Variants in SLC25A17 observed in about 807,000 individuals in gnomAD.
SLC25A17 encodes the protein solute carrier family 25 member 17, also known as peroxisomal membrane protein PMP34.
SLC25A17 carries 26 observed loss-of-function variants against 38.5 expected under a neutral mutation model. The observed-to-expected ratio is 0.68, with a 90% confidence interval of 0.50 to 0.94. The LOEUF (loss-of-function observed/expected upper bound fraction) is 0.94, where lower values mean the gene tolerates loss of function less well. Ranked by LOEUF, SLC25A17 falls within the 40% of genes least tolerant of loss-of-function variation. The pLI, the probability that SLC25A17 is intolerant of heterozygous loss-of-function variation, is 0.00. For synonymous variants in SLC25A17, 139 were observed against 136.2 expected (o/e 1.02, Z -0.14); for missense variants, 333 against 372.7 (o/e 0.89, Z 0.88).
At position 40,770,973 on chromosome 22, in the gene SLC25A17, C is replaced by A; in HGVS notation, c.785G>T (p.Gly262Val). ...AAGGCCTTTGTAGAGTCCCATTATT[C>A]CAAAACGTCTAAAGGGAAAGAGGTT... ...YLLHQRVRRF[G>V]IMGLYKGLEA... The change falls in exon 9 of 9, where the codon GGA becomes GTA. Residue 262 changes from glycine to valine, a missense_variant. Physicochemically the swap from Gly to Val is moderately radical, Grantham distance 109. Transcript: ENST00000435456. 1 of 1,592,400 alleles carries A rather than the reference C, an allele frequency of 6.3e-7. No individual in the cohort carries two copies. The highest frequency in any genetic ancestry group is 1.1e-5 in the South Asian group (1 of 88,994).
At chr22:40,773,601 G>A (rs1488894738) in intron 8 of SLC25A17, among the ~76,000 whole-genome samples, 1 of 152,016 alleles carries the variant, frequency 6.6e-6, no homozygotes, top group Non-Finnish European at 1.5e-5. Context: ...CTATTCTATA[G>A]GCAGATGTTA....
Position 40,795,581 on chromosome 22 carries a change from C to T in SLC25A17, c.116-1001G>A, listed in dbSNP as rs188373777. On this transcript the variant is annotated intron_variant, in intron 2 of 8. Coordinates refer to ENST00000435456, the MANE Select transcript of SLC25A17 (RefSeq NM_006358.4). ...CTGGGATTACAGGCGTGAGCCACCA[C>T]GCCCAGCCTAATTTATTTCTTATAT... Among the ~76,000 whole-genome samples the T allele has an allele frequency of 1.3e-3, 195 of 152,242 alleles. 1 individual carries two copies. The highest frequency in any genetic ancestry group is 4.4e-3 in the African/African-American group (183 of 41,554).
At chr22:40,782,724 C>T (rs1180657062) in intron 4 of SLC25A17, among the ~76,000 whole-genome samples, 2 of 152,240 alleles carry the variant, frequency 1.3e-5, no homozygotes, top group African/African-American at 4.8e-5. Flanking sequence ...ACAAACCTGT[C>T]TTGCCAGATT....
intron 2 of SLC25A17, chr22:40,797,118 G>T (rs946183730): frequency 1.1e-5 from 4 of 368,970 alleles, no homozygotes; most frequent in African/African-American, 8.5e-5. Flanking sequence ...AGAGGAAAGG[G>T]AGACAGGGCA....
At chr22:40,793,224 T>C (rs138470535) in intron 3 of SLC25A17, among the ~76,000 whole-genome samples, 3 of 152,182 alleles carry the variant, frequency 2.0e-5, no homozygotes, top group African/African-American at 7.2e-5. Context: ...GATAAATAAA[T>C]GAAGGAGAAG....
At position 40,773,605 on chromosome 22, in the gene SLC25A17, G is replaced by A. The variant is rs569618788; in HGVS notation, c.776+332C>T. On this transcript the variant is annotated intron_variant, in intron 8 of 8. Coordinates refer to ENST00000435456, the MANE Select transcript of SLC25A17 (RefSeq NM_006358.4). Reference sequence around the variant, plus strand: ...CTCCAGTACTCCTATTCTATAGGCAGATGTTATATTGCTAAGAGGCATCAT... The same window carrying A: ...CTCCAGTACTCCTATTCTATAGGCAAATGTTATATTGCTAAGAGGCATCAT... Among the ~76,000 whole-genome samples the A allele has an allele frequency of 2.6e-5, 4 of 152,244 alleles. No homozygotes were observed. In the South Asian group the frequency reaches 8.3e-4, roughly 32 times the overall value.
chr22:40,783,596 G>A (rs1366821161), intron 4 of SLC25A17, among the ~76,000 whole-genome samples: 1 of 152,114 alleles, frequency 6.6e-6, no homozygotes, highest in Non-Finnish European at 1.5e-5. Context: ...TGGGATTACA[G>A]GCACATGCCG....
chr22:40,803,442 A>G (rs1461078102), intron 1 of SLC25A17, among the ~76,000 whole-genome samples: 2 of 152,178 alleles, frequency 1.3e-5, no homozygotes, highest in East Asian at 1.9e-4. Flanking sequence ...ACTTAACATA[A>G]TATTTATTGT....
At chr22:40,808,906 T>C (rs2057553257) in intron 1 of SLC25A17, among the ~76,000 whole-genome samples, 1 of 152,190 alleles carries the variant, frequency 6.6e-6, no homozygotes, top group African/African-American at 2.4e-5. Flanking sequence ...TGTAGCAAAA[T>C]TTTCCAAAGG....
intron 7 of SLC25A17, 88 bp from the exon 8 acceptor site, chr22:40,774,107 G>C: frequency 4.0e-6 from 3 of 744,264 alleles, no homozygotes; most frequent in Non-Finnish European, 7.2e-6. Flanking sequence ...TGTTGGAGTA[G>C]TATCTTATAG....
intron 8 of SLC25A17, among the ~76,000 whole-genome samples, chr22:40,772,610 G>C (rs1443701964): frequency 6.6e-6 from 1 of 151,030 alleles, no homozygotes; most frequent in African/African-American, 2.4e-5. Context: ...GCCTAATTTT[G>C]TCTTTTAGTC....
chr22:40,795,048 C>A (rs1481490599), intron 2 of SLC25A17, among the ~76,000 whole-genome samples: 1 of 152,130 alleles, frequency 6.6e-6, no homozygotes, highest in Non-Finnish European at 1.5e-5. Flanking sequence ...CCACCATACC[C>A]GGCCCGTGTA....
At chr22:40,796,795 C>T (rs530697148) in intron 2 of SLC25A17, among the ~76,000 whole-genome samples, 2 of 152,076 alleles carry the variant, frequency 1.3e-5, no homozygotes, top group South Asian at 4.2e-4. Context: ...TGGAAACAAC[C>T]CCAGAATCTA....
In SLC25A17 at chr22:40,777,079, C is replaced by G; in HGVS notation, c.654G>C (p.Thr218=). 1.9e-6 allele frequency: 3 copies of G among 1,614,102 alleles called. No homozygotes were observed. Among genetic ancestry groups the G allele is most frequent in the Non-Finnish European group, 2.5e-6 (3 of 1,180,022 alleles). ...GTACCGTCTGCAGGGGATAGGTCAC[C>G]GTGGTGGCAATCGCTTTGGCTACTG... ...IGAVAKAIAT[T]VTYPLQTVQS... Residue 218 remains threonine, a synonymous_variant, in exon 7 of 9, where the codon ACG becomes ACC. Coordinates refer to ENST00000435456, the MANE Select transcript of SLC25A17 (RefSeq NM_006358.4).
intron 1 of SLC25A17, among the ~76,000 whole-genome samples, chr22:40,806,445 C>T (rs1359639940): frequency 1.3e-5 from 2 of 152,030 alleles, no homozygotes; most frequent in Non-Finnish European, 2.9e-5. Context: ...CCTTTAAATG[C>T]TTAGCTGAGC....
chr22:40,816,311 A>G (rs370586245), intron 1 of SLC25A17, among the ~76,000 whole-genome samples: 6 of 152,152 alleles, frequency 3.9e-5, no homozygotes, highest in Non-Finnish European at 5.9e-5. Context: ...CACTATTGCC[A>G]GTCACTCTCT....
chr22:40,814,500 T>C (rs1352109772), intron 1 of SLC25A17, among the ~76,000 whole-genome samples: 2 of 151,666 alleles, frequency 1.3e-5, no homozygotes, highest in African/African-American at 2.4e-5. Flanking sequence ...ATTTACAATA[T>C]TGACTGACTA....
intron 2 of SLC25A17, among the ~76,000 whole-genome samples, chr22:40,796,895 T>C (rs1266467361): frequency 6.6e-6 from 1 of 152,064 alleles, no homozygotes; most frequent in Non-Finnish European, 1.5e-5. Flanking sequence ...ACGCTCCCAA[T>C]GCGCTGATTC....
intron 5 of SLC25A17, among the ~76,000 whole-genome samples, chr22:40,778,160 T>C (rs1419716762): frequency 6.6e-6 from 1 of 152,204 alleles, no homozygotes; most frequent in Non-Finnish European, 1.5e-5. Flanking sequence ...CTCAAAGATA[T>C]CAGATACCAA....
Sources: gnomAD v4.1 joint callset for allele counts (sites outside exome capture counted in the v4.1 genomes callset) on GRCh38, gnomAD v4.1.1 for gene constraint, MANE v1.5 for transcripts, NCBI Gene and HGNC (gene_info 2026-07-23, HGNC 2026-07-21) for gene names.